P2RX1: variants seen among roughly 807,000 people sequenced by gnomAD.
P2RX1 encodes purinergic receptor P2X 1.
P2RX1 carries 42 observed loss-of-function variants against 50.3 expected under a neutral mutation model. The ratio of observed to expected loss-of-function variants is 0.83; its 90% CI spans 0.65 to 1.08. The LOEUF is 1.08. Ranked by LOEUF, P2RX1 falls within the 50% of genes least tolerant of loss-of-function variation. The pLI, the probability that P2RX1 is intolerant of heterozygous loss-of-function variation, is 0.00. For synonymous variants in P2RX1, 199 were observed against 202.6 expected, an observed-to-expected ratio of 0.98 and a Z score of 0.15; for missense variants, 449 against 529.0, an observed-to-expected ratio of 0.85 and a Z score of 1.48.
intron 7 of P2RX1, among the ~76,000 whole-genome samples, chr17:3,901,430 A>G (rs2056144513): frequency 6.6e-6 from 1 of 152,190 alleles, no homozygotes; most frequent in African/African-American, 2.4e-5. Flanking sequence ...TTGCTCCGGC[A>G]TCAACCCCCT....
At chr17:3,898,666 G>T in intron 9 of P2RX1, 117 bp from the exon 10 acceptor site, 1 of 815,894 alleles carries the variant, frequency 1.2e-6, no homozygotes, top group Non-Finnish European at 2.1e-6. Context: ...CCCCACCTCG[G>T]ACTCTACATG....
In P2RX1 at chr17:3,902,966, G is replaced by C. The variant is rs116400311; in HGVS notation, c.747+236C>G. 4.4e-3 allele frequency among the ~76,000 whole-genome samples: 658 copies of C among 149,818 alleles called. 8 individuals carry two copies. Among genetic ancestry groups the C allele is most frequent in the African/African-American group, 0.016 (639 of 39,792 alleles). ...AAAGCAGGGCATCAACAAACATCCA[G>C]ATGACAAGGTCTGCCCACATCCGTT... On this transcript the variant is annotated intron_variant, in intron 7 of 11. Transcript: ENST00000225538.
chr17:3,904,128 C>G (rs1210594029), intron 4 of P2RX1, 104 bp from the exon 5 acceptor site: 4 of 1,092,602 alleles, frequency 3.7e-6, no homozygotes, highest in Non-Finnish European at 4.2e-6. Flanking sequence ...AGCAAAGGAG[C>G]CAAGGACAGA....
At chr17:3,904,960 TGGGC>T in intron 2 of P2RX1, 31 bp from the exon 3 acceptor site, 1 of 209,784 alleles carries the variant, frequency 4.8e-6, no homozygotes, top group South Asian at 3.4e-5. Flanking sequence ...GAGGGTGGGG[TGGGC>T]TGGGAGCTGG....
At chr17:3,902,494 C>T (rs1037687012) in intron 7 of P2RX1, among the ~76,000 whole-genome samples, 1 of 151,798 alleles carries the variant, frequency 6.6e-6, no homozygotes, top group African/African-American at 2.4e-5. Flanking sequence ...CGGGGTTTCA[C>T]CATACTGGTC....
chr17:3,897,769 G>A lies in P2RX1; in HGVS notation c.*45C>T. The A allele has an allele frequency of 6.3e-7, 1 of 1,581,396 alleles. No homozygotes were observed. Among genetic ancestry groups the A allele is most frequent in the Non-Finnish European group, 8.7e-7 (1 of 1,155,006 alleles). On this transcript the variant is annotated 3_prime_UTR_variant, in exon 12 of 12. Coordinates refer to ENST00000225538, the MANE Select transcript of P2RX1 (RefSeq NM_002558.4). Reference sequence around the variant, plus strand: ...TGGCTGGGACCCACCAGGGCTCCAGGCTGAAGCCTCACGCTGCACCCAGTC... The same window carrying A: ...TGGCTGGGACCCACCAGGGCTCCAGACTGAAGCCTCACGCTGCACCCAGTC...
Position 3,905,353 on chromosome 17 carries a change from T to C in P2RX1, c.152A>G (p.Tyr51Cys), listed in dbSNP as rs775053796. 8.1e-6 allele frequency: 13 copies of C among 1,613,698 alleles called. No homozygotes were observed. The East Asian group carries it at 8.9e-5, about 11-fold the overall frequency. ...LVYVIGWVFL[Y>C]EKGYQTSSGL... ...GCTCGAGGTCTGGTAGCCCTTCTCA[T>C]AGAGAAACACCCACCTGTGCGGGTG... is the stretch of plus-strand genomic sequence containing the variant. Residue 51 changes from tyrosine to cysteine, a missense_variant, in exon 2 of 12, where the codon TAT becomes TGT. Tyr to Cys is a radical substitution (Grantham distance 194, BLOSUM62 -2). Coordinates refer to ENST00000225538, the MANE Select transcript of P2RX1 (RefSeq NM_002558.4).
intron 1 of P2RX1, among the ~76,000 whole-genome samples, chr17:3,906,027 A>G (rs2056256807): frequency 1.3e-5 from 2 of 152,224 alleles, no homozygotes; most frequent in Non-Finnish European, 2.9e-5. Flanking sequence ...TCAATGCCTA[A>G]CAGCCTGGGT....
Position 3,916,280 on chromosome 17 carries a change from G to A in P2RX1, c.-55C>T. On this transcript the variant is annotated 5_prime_UTR_variant, in exon 1 of 12. Transcript: ENST00000225538. ...CCCCTGCACGGCCTCTGCTCTCAGG[G>A]TGAGCCGGGTGCCACCACCCACGTC... The A allele has an allele frequency of 1.3e-6, 2 of 1,583,782 alleles. No individual in the cohort carries two copies. The highest frequency in any genetic ancestry group is 2.2e-5 in the South Asian group (2 of 88,986).
chr17:3,903,542 C>G lies in P2RX1; in HGVS notation c.605+9G>C, dbSNP rs371225526. On this transcript the variant is annotated intron_variant, in intron 6 of 11. Coordinates refer to ENST00000225538, the MANE Select transcript of P2RX1 (RefSeq NM_002558.4). This position sits in a 1 kb window ranked among gnomAD's most constrained non-coding sequence, Gnocchi z 4.6. ...GCTGCCTGCATTTCTGCCCGAATTTCCCACGCACCTGTTGACCTTGAAGCG... is the reference window on the plus strand; with the variant it reads ...GCTGCCTGCATTTCTGCCCGAATTTGCCACGCACCTGTTGACCTTGAAGCG... 1.9e-6 allele frequency: 3 copies of G among 1,613,862 alleles called. No individual in the cohort carries two copies. The highest frequency in any genetic ancestry group is 2.2e-5 in the South Asian group (2 of 91,074).
At position 3,905,332 on chromosome 17, in the gene P2RX1, G is replaced by C. The variant is rs551235078; in HGVS notation, c.173C>G (p.Ser58Trp). 14 of 1,613,788 alleles carry C rather than the reference G, an allele frequency of 8.7e-6. No homozygotes were observed. Among genetic ancestry groups the C allele is most frequent in the Admixed American group, 1.7e-5 (1 of 60,008 alleles). Residue 58 changes from serine to tryptophan, a missense_variant, in exon 2 of 12, where the codon TCG (serine) becomes TGG (tryptophan). Transcript: ENST00000225538. ...VFLYEKGYQT[S>W]SGLISSVSVK... ...AGAGACACTGCTGATGAGGCCGCTC[G>C]AGGTCTGGTAGCCCTTCTCATAGAG...
intron 1 of P2RX1, among the ~76,000 whole-genome samples, chr17:3,907,603 C>G (rs1245341913): frequency 2.0e-5 from 3 of 152,194 alleles, no homozygotes; most frequent in Non-Finnish European, 4.4e-5. Flanking sequence ...GCCCACCCAC[C>G]TCTTCTCTAA....
chr17:3,902,909 A>G lies in P2RX1; in HGVS notation c.747+293T>C, dbSNP rs6502753. On this transcript the variant is annotated intron_variant, in intron 7 of 11. Transcript: ENST00000225538. The stretch of plus-strand genomic sequence containing the variant: ...TAGGCACGACCCTCCGCACCTGACC[A>G]AGCTGCTTTTATCTAGTTTTTTTTT... Among the ~76,000 whole-genome samples the G allele has an allele frequency of 5.7e-3, 862 of 149,998 alleles. 10 individuals are homozygous for G. The highest frequency in any genetic ancestry group is 0.021 in the African/African-American group (826 of 40,122).
At position 3,899,743 on chromosome 17, in the gene P2RX1, T is replaced by C; in HGVS notation, c.766A>G (p.Thr256Ala). The change falls in exon 8 of 12, where the codon ACC (threonine) becomes GCC (alanine). Residue 256 changes from threonine to alanine, a missense_variant. Thr to Ala is a moderately conservative substitution (Grantham distance 58). Coordinates refer to ENST00000225538, the MANE Select transcript of P2RX1 (RefSeq NM_002558.4). ...LAEKGGVVGI[T>A]IDWHCDLDWH... ...TCCAGGTCACAGTGCCAGTCGATGGTGATGCCAACCACTCCACCCTGCCAG... is the reference window on the plus strand; with the variant it reads ...TCCAGGTCACAGTGCCAGTCGATGGCGATGCCAACCACTCCACCCTGCCAG... 1 of 1,613,756 alleles carries C rather than the reference T, an allele frequency of 6.2e-7. No homozygotes were observed. The highest frequency in any genetic ancestry group is 2.2e-5 in the East Asian group (1 of 44,866).
At chr17:3,911,767 G>A (rs1245567145) in intron 1 of P2RX1, among the ~76,000 whole-genome samples, 1 of 152,178 alleles carries the variant, frequency 6.6e-6, no homozygotes, top group African/African-American at 2.4e-5. Context: ...CTTCAGCCTA[G>A]TCCCAGTGAC....
chr17:3,901,498 A>G (rs1439408333), intron 7 of P2RX1, among the ~76,000 whole-genome samples: 1 of 152,144 alleles, frequency 6.6e-6, no homozygotes, highest in Non-Finnish European at 1.5e-5. Context: ...CACTCTTCAC[A>G]TATGGTCTGT....
chr17:3,906,347 G>A (rs1318999890), intron 1 of P2RX1, among the ~76,000 whole-genome samples: 4 of 152,130 alleles, frequency 2.6e-5, no homozygotes, highest in Non-Finnish European at 5.9e-5. Context: ...TGGCCAGGAT[G>A]TTCTCGATCT....
At chr17:3,912,856 C>T (rs890215665) in intron 1 of P2RX1, among the ~76,000 whole-genome samples, 1 of 152,172 alleles carries the variant, frequency 6.6e-6, no homozygotes, top group African/African-American at 2.4e-5. Context: ...GCACTCTGAT[C>T]TCCACTTGGA....
chr17:3,901,438 C>T (rs540598473), intron 7 of P2RX1, among the ~76,000 whole-genome samples: 1 of 152,306 alleles, frequency 6.6e-6, no homozygotes, highest in Admixed American at 6.5e-5. Flanking sequence ...GCATCAACCC[C>T]CTCCAGGGGT....
Sources: gnomAD v4.1 joint callset for allele counts (sites outside exome capture counted in the v4.1 genomes callset) on GRCh38, gnomAD v4.1.1 for gene constraint, Gnocchi (gnomAD v3.1) non-coding constraint, MANE v1.5 for transcripts, NCBI Gene and HGNC (gene_info 2026-07-23, HGNC 2026-07-21) for gene names.